Variants in PARD3B observed in about 807,000 individuals in gnomAD.
The protein encoded by PARD3B is par-3 family cell polarity regulator beta.
Under a neutral mutation model 130.2 loss-of-function variants are expected in PARD3B, and 103 were observed. That is an observed-to-expected ratio of 0.79 (90% CI 0.67 to 0.93). The LOEUF is 0.93. PARD3B is among the 40% of genes least tolerant of loss of function. The pLI, the probability that PARD3B is intolerant of heterozygous loss-of-function variation, is 0.00. For missense variants in PARD3B, 1,609 were observed against 1,499.2 expected, an observed-to-expected ratio of 1.07 and a Z score of -1.21; for synonymous variants, 583 against 553.2, an observed-to-expected ratio of 1.05 and a Z score of -0.76.
rs921684966 is a variant in PARD3B, at chr2:205,021,650, CTA to C, written c.395-25916_395-25915del. On this transcript the variant is annotated intron_variant, in intron 3 of 22. Transcript: ENST00000406610. The surrounding 1 kb of genome is among the most constrained non-coding windows in gnomAD (Gnocchi z 4.5). ...TCTCTTTCTCTCTCTCTCTCTCTCT[CTA>C]TATATATATATATAGTTAATCTTTT... is the stretch of plus-strand genomic sequence containing the variant. Among the ~76,000 whole-genome samples the C allele has an allele frequency of 0.015, 1,427 of 98,222 alleles. 6 individuals carry two copies. The highest frequency in any genetic ancestry group is 0.031 in the African/African-American group (949 of 31,100). 64.4% of individuals were successfully genotyped at this position (98,222 alleles called of 152,430 possible). A position where few individuals can be genotyped will look rare whatever the true frequency, so the allele number is the denominator to read the frequency against.
intron 2 of PARD3B, among the ~76,000 whole-genome samples, chr2:204,720,355 CTG>C (rs2038936829): frequency 2.6e-5 from 4 of 152,106 alleles, no homozygotes; most frequent in Admixed American, 2.6e-4. Flanking sequence ...TGTGTGTGGT[CTG>C]TACAAATTTA....
intron 20 of PARD3B, among the ~76,000 whole-genome samples, chr2:205,442,289 C>CT (rs2047742370): frequency 1.3e-4 from 17 of 126,688 alleles, no homozygotes; most frequent in African/African-American, 5.8e-4. Context: ...AACAGGTTTT[C>CT]CTTTTTTTTT....
chr2:205,124,439 C>G lies in PARD3B; in HGVS notation c.1278C>G (p.Arg426=), dbSNP rs768910458. Residue 426 remains arginine, a synonymous_variant, in exon 9 of 23, where the codon CGC becomes CGG. Coordinates refer to ENST00000406610, the MANE Select transcript of PARD3B (RefSeq NM_001302769.2). ...AGGGAGCAGCAATAAAAGATGGCCG[C>G]CTACAATCAGGGGACAGAATTTTGG... The part of the protein sequence containing the change: ...LPKGAAIKDG[R]LQSGDRILEV... The G allele has an allele frequency of 1.0e-5, 16 of 1,597,002 alleles. No homozygotes were observed. The highest frequency in any genetic ancestry group is 1.4e-5 in the Non-Finnish European group (16 of 1,171,200).
At chr2:205,033,320 A>G (rs1697558362) in intron 3 of PARD3B, among the ~76,000 whole-genome samples, 1 of 152,220 alleles carries the variant, frequency 6.6e-6, no homozygotes, top group African/African-American at 2.4e-5. Context: ...TATTTCATAT[A>G]TTTATAAGTT....
At chr2:205,228,344 C>T (rs987925842) in intron 15 of PARD3B, among the ~76,000 whole-genome samples, 3 of 152,076 alleles carry the variant, frequency 2.0e-5, no homozygotes, top group African/African-American at 7.2e-5. Context: ...TTCTCCTTCA[C>T]GTTTGAAGGA....
intron 4 of PARD3B, among the ~76,000 whole-genome samples, chr2:205,052,439 A>G (rs926264890): frequency 6.6e-5 from 2 of 30,226 alleles, no homozygotes; most frequent in Admixed American, 4.2e-4. Context: ...ATATATATAT[A>G]TATATATATA....
chr2:204,554,611 T>G (rs1180397013), intron 1 of PARD3B, among the ~76,000 whole-genome samples: 1 of 152,056 alleles, frequency 6.6e-6, no homozygotes, highest in Non-Finnish European at 1.5e-5. Context: ...TTTTTATTAT[T>G]TTTTTCTTTA....
rs371745128 is a variant in PARD3B, at chr2:205,393,299, G to A, written c.2631-7714G>A. Among the ~76,000 whole-genome samples the A allele has an allele frequency of 1.8e-4, 28 of 152,136 alleles. 1 individual carries two copies. The East Asian group carries it at 2.3e-3, about 13-fold the overall frequency. ...TATTTTGCTTGAACTATTTCAAACT[G>A]TGTAATTTATAAAATGTAAGGAGCT... On this transcript the variant is annotated intron_variant, in intron 18 of 22. Coordinates refer to ENST00000406610, the MANE Select transcript of PARD3B (RefSeq NM_001302769.2).
intron 10 of PARD3B, among the ~76,000 whole-genome samples, chr2:205,130,412 C>T (rs531476644): frequency 4.6e-5 from 7 of 152,170 alleles, no homozygotes; most frequent in Admixed American, 1.3e-4. Flanking sequence ...CAGATAAAGC[C>T]GTATTTCCAC....
intron 20 of PARD3B, among the ~76,000 whole-genome samples, chr2:205,479,091 A>C (rs1047911151): frequency 1.3e-5 from 2 of 152,120 alleles, no homozygotes; most frequent in African/African-American, 4.8e-5. Context: ...TGGCAGAGTC[A>C]CTCTCACAAA....
rs2034354124 is a variant in PARD3B at position 205,159,036 on chromosome 2, AAT to A, written c.1620+134_1620+135del. 1.4e-5 allele frequency: 13 copies of A among 948,578 alleles called. No individual in the cohort carries two copies. In the South Asian group the frequency reaches 1.9e-4, roughly 14 times the overall value. The allele number at this position is 948,578 out of a possible 1,614,324, so 58.8% of individuals were successfully genotyped here. On this transcript the variant is annotated intron_variant, in intron 11 of 22. Transcript: ENST00000406610. ...TGAGACTTTCCCGCCAGATACAAAA[AAT>A]ATATGTGTGAACAGATCTGGGAAAT...
chr2:205,462,897 A>G (rs1412547953), intron 20 of PARD3B, among the ~76,000 whole-genome samples: 1 of 152,200 alleles, frequency 6.6e-6, no homozygotes, highest in Non-Finnish European at 1.5e-5. Context: ...GCAGTGGCTC[A>G]TGGGTCAAAG....
At chr2:205,541,912 G>A (rs1164464135) in intron 21 of PARD3B, among the ~76,000 whole-genome samples, 4 of 151,772 alleles carry the variant, frequency 2.6e-5, no homozygotes, top group Admixed American at 1.3e-4. Context: ...GGGAGGCCGA[G>A]GTGGGTGGAT....
intron 18 of PARD3B, among the ~76,000 whole-genome samples, chr2:205,343,510 A>G (rs577878598): frequency 2.6e-5 from 4 of 152,188 alleles, no homozygotes; most frequent in African/African-American, 7.2e-5. Flanking sequence ...GTGCTCCTTC[A>G]ATTGTTTCTG....
At chr2:205,056,588 T>TAA (rs113184973) in intron 4 of PARD3B, among the ~76,000 whole-genome samples, 27 of 144,418 alleles carry the variant, frequency 1.9e-4, no homozygotes, top group African/African-American at 5.8e-4. Flanking sequence ...CTAAAACCAT[T>TAA]AAAAAAAAAA....
intron 3 of PARD3B, among the ~76,000 whole-genome samples, chr2:204,987,881 ACT>A (rs1043075458): frequency 2.0e-4 from 31 of 152,018 alleles, no homozygotes; most frequent in Non-Finnish European, 3.7e-4. Context: ...TGGGTTTGTC[ACT>A]CTGTTAATCC....
chr2:205,158,842 A>G lies in PARD3B; in HGVS notation c.1555A>G (p.Arg519Gly). Residue 519 changes from arginine to glycine, a missense_variant, in exon 11 of 23, where the codon AGA (arginine) becomes GGA (glycine). Coordinates refer to ENST00000406610, the MANE Select transcript of PARD3B (RefSeq NM_001302769.2). The surrounding 1 kb of genome is among the most constrained non-coding windows in gnomAD (Gnocchi z 5.4). ...LGVSLKGNKS[R>G]ETGTDLGIFI... ...GGTGAGCTTAAAAGGGAACAAATCCAGAGAAACTGGAACAGACTTGGGGAT... is the reference window on the plus strand; with the variant it reads ...GGTGAGCTTAAAAGGGAACAAATCCGGAGAAACTGGAACAGACTTGGGGAT... 1 of 1,614,174 alleles carries G rather than the reference A, an allele frequency of 6.2e-7. No homozygotes were observed. The highest frequency in any genetic ancestry group is 1.7e-5 in the Admixed American group (1 of 60,014).
intron 2 of PARD3B, among the ~76,000 whole-genome samples, chr2:204,728,406 C>T (rs1001919787): frequency 6.6e-6 from 1 of 152,028 alleles, no homozygotes; most frequent in African/African-American, 2.4e-5. Flanking sequence ...AGAAGAAATC[C>T]TACACAAGTT....
chr2:204,634,594 G>A (rs530370144), intron 1 of PARD3B, among the ~76,000 whole-genome samples: 49 of 152,046 alleles, frequency 3.2e-4, no homozygotes, highest in Non-Finnish European at 5.6e-4. Context: ...AGGATCATTT[G>A]TCCTCTCATT....
Sources: allele counts gnomAD v4.1 joint callset (sites outside exome capture counted in the v4.1 genomes callset), GRCh38; gene constraint gnomAD v4.1.1; non-coding constraint Gnocchi (gnomAD v3.1); transcripts MANE v1.5; gene names NCBI Gene and HGNC (gene_info 2026-07-23, HGNC 2026-07-21).